Variants in ZNF208 observed in about 807,000 individuals in gnomAD.
ZNF208 encodes the protein zinc finger protein 208, also known as zinc finger protein 95.
Under a neutral mutation model 12.1 loss-of-function variants are expected in ZNF208, and 10 were observed. The ratio of observed to expected loss-of-function variants is 0.83; its 90% CI spans 0.51 to 1.40. The LOEUF is 1.40. Among genes scored for constraint, ZNF208 ranks in the 40% most tolerant of loss-of-function variants. The pLI, the probability that ZNF208 is intolerant of heterozygous loss-of-function variation, is 0.00. For synonymous variants in ZNF208, 497 were observed against 488.4 expected (o/e 1.02, Z -0.23); for missense variants, 1,652 against 1,485.0 (o/e 1.11, Z -1.85).
chr19:21,975,515 C>T (rs1970412693), intron 3 of ZNF208, among the ~76,000 whole-genome samples: 1 of 152,124 alleles, frequency 6.6e-6, no homozygotes, highest in Non-Finnish European at 1.5e-5. Context: ...TGTTTTCTGA[C>T]TATGCCAGGA....
rs746461940 is a variant in ZNF208, at chr19:21,971,679, C to T, written c.3355G>A (p.Gly1119Ser). Residue 1119 changes from glycine to serine, a missense_variant, in exon 4 of 4, where the codon GGC becomes AGC. Gly to Ser is a moderately conservative substitution (Grantham distance 56). Coordinates refer to ENST00000397126, the MANE Select transcript of ZNF208 (RefSeq NM_007153.3). ...GEKPYKCEEC[G>S]KSFSTFSILT... ...ATTGAGAACGTACTAAAGCTTTTGC[C>T]ACATTCTTCACATTTGTAGGGTTTC... The T allele has an allele frequency of 6.2e-7, 1 of 1,613,800 alleles. No homozygotes were observed. The highest frequency in any genetic ancestry group is 1.1e-5 in the South Asian group (1 of 91,060).
intron 3 of ZNF208, among the ~76,000 whole-genome samples, chr19:21,977,412 G>A (rs1024972339): frequency 2.6e-5 from 4 of 152,202 alleles, no homozygotes; most frequent in African/African-American, 9.7e-5. Flanking sequence ...AACAGTGGGT[G>A]CGGCTCCCTG....
chr19:22,004,257 T>C (rs1002177795), intron 1 of ZNF208, among the ~76,000 whole-genome samples: 11 of 152,016 alleles, frequency 7.2e-5, no homozygotes, highest in African/African-American at 2.7e-4. Flanking sequence ...TGGCTCACAC[T>C]TGTAATCCCA....
At chr19:21,989,931 T>C (rs1970701264) in intron 1 of ZNF208, among the ~76,000 whole-genome samples, 1 of 151,124 alleles carries the variant, frequency 6.6e-6, no homozygotes, top group African/African-American at 2.4e-5. Flanking sequence ...GATGGGGTTG[T>C]TTGTTTTTTT....
At chr19:21,964,454 T>A (rs1457485528), downstream of ZNF208, among the ~76,000 whole-genome samples, 9 of 151,516 alleles carry the variant, frequency 5.9e-5, no homozygotes, top group Non-Finnish European at 1.3e-4. Flanking sequence ...TAGAAAAAAA[T>A]TTTAATATAT....
chr19:21,998,185 C>T (rs558892642), intron 1 of ZNF208: 1 of 131,074 alleles, frequency 7.6e-6, no homozygotes, highest in African/African-American at 2.8e-5. Context: ...GACAGAGTCT[C>T]ACTCTGTCGC....
intron 3 of ZNF208, among the ~76,000 whole-genome samples, chr19:21,986,152 C>T (rs1330727853): frequency 2.0e-5 from 3 of 152,026 alleles, no homozygotes; most frequent in Non-Finnish European, 2.9e-5. Context: ...TCTATTTTAA[C>T]ACAGCACTTG....
intron 4 of ZNF208, among the ~76,000 whole-genome samples, chr19:21,942,713 A>G (rs1377663723): frequency 6.6e-6 from 1 of 151,982 alleles, no homozygotes; most frequent in African/African-American, 2.4e-5. Context: ...CAATGGTGCA[A>G]TCTTGGTTCA....
chr19:21,949,962 T>C (rs1186913720), intron 4 of ZNF208, among the ~76,000 whole-genome samples: 1 of 152,222 alleles, frequency 6.6e-6, no homozygotes, highest in Non-Finnish European at 1.5e-5. Flanking sequence ...ATCTGCAGTC[T>C]GGTTAAAAAC....
At chr19:21,944,335 T>G (rs907654660) in intron 4 of ZNF208, among the ~76,000 whole-genome samples, 1 of 152,202 alleles carries the variant, frequency 6.6e-6, no homozygotes, top group African/African-American at 2.4e-5. Flanking sequence ...AAATTCAACC[T>G]AAATTCAACA....
chr19:21,950,719 T>C (rs968856789), intron 4 of ZNF208, among the ~76,000 whole-genome samples: 1 of 152,064 alleles, frequency 6.6e-6, no homozygotes, highest in African/African-American at 2.4e-5. Context: ...GGTCTCAAAC[T>C]CCTGACCTCA....
chr19:21,952,077 G>A (rs1444420617), intron 4 of ZNF208, among the ~76,000 whole-genome samples: 8 of 152,348 alleles, frequency 5.3e-5, no homozygotes, highest in East Asian at 1.9e-4. Flanking sequence ...AGATGGCAAC[G>A]CAGCAGCCTG....
chr19:21,987,113 AACT>A (rs912685274), intron 3 of ZNF208, 100 bp downstream of exon 3: 1 of 1,236,952 alleles, frequency 8.1e-7, no homozygotes, highest in Non-Finnish European at 1.1e-6. Context: ...TCTCTCCAGA[AACT>A]ACTTCTTTTG....
chr19:21,988,288 A>G (rs527783515), intron 2 of ZNF208, among the ~76,000 whole-genome samples: 3 of 152,298 alleles, frequency 2.0e-5, no homozygotes, highest in South Asian at 4.1e-4. Context: ...AAGAAATTAT[A>G]CAAAAAAGAA....
At chr19:21,949,534 C>T (rs1465019441) in intron 4 of ZNF208, among the ~76,000 whole-genome samples, 1 of 152,068 alleles carries the variant, frequency 6.6e-6, no homozygotes, top group Admixed American at 6.6e-5. Context: ...TTTTATACCA[C>T]CTTATTAAAA....
chr19:21,956,836 C>A (rs936590709), intron 4 of ZNF208, among the ~76,000 whole-genome samples: 1 of 152,136 alleles, frequency 6.6e-6, no homozygotes, highest in Non-Finnish European at 1.5e-5. Flanking sequence ...ATAGGCTGCA[C>A]CCACTGTCCA....
rs1432417883 is a variant in ZNF208 at position 21,971,168 on chromosome 19, G to A, written c.*23C>T. On this transcript the variant is annotated 3_prime_UTR_variant, in exon 4 of 4. Coordinates refer to ENST00000397126, the MANE Select transcript of ZNF208 (RefSeq NM_007153.3). ...ACTAAGGGTTGAGGGCCACTTATAG[G>A]CTTTGCCACATTCTTCACATTTCTA... 1 of 1,611,802 alleles carries A rather than the reference G, an allele frequency of 6.2e-7. No homozygotes were observed. Among genetic ancestry groups the A allele is most frequent in the African/African-American group, 1.3e-5 (1 of 74,612 alleles).
In ZNF208 at chr19:21,988,888, C is replaced by G. The variant is rs1469970464; in HGVS notation, c.25G>C (p.Val9Leu). The G allele has an allele frequency of 6.2e-7, 1 of 1,613,982 alleles. No individual in the cohort carries two copies. Among genetic ancestry groups the G allele is most frequent in the Non-Finnish European group, 8.5e-7 (1 of 1,179,972 alleles). ...TCCTCCAGAGAGAATTCTATGGCCA[C>G]ATCCCTAAATGTCAATGATCCCTGG... MGSLTFRD[V>L]AIEFSLEEWQ... Residue 9 changes from valine (V) to leucine (L), a missense_variant, in exon 2 of 4, where the codon GTG becomes CTG. By Grantham distance (32) the Val-to-Leu change is conservative (BLOSUM62 1). This residue lies in a region of ZNF208 where 410 missense variants were observed against 378.2 expected (regional missense o/e 1.08). Transcript: ENST00000397126.
At chr19:21,951,859 G>C (rs1439188357) in intron 4 of ZNF208, among the ~76,000 whole-genome samples, 1 of 152,220 alleles carries the variant, frequency 6.6e-6, no homozygotes, top group African/African-American at 2.4e-5. Context: ...CCTCACCTGG[G>C]AGGCACAAGG....
Sources: gnomAD v4.1 joint callset for allele counts (sites outside exome capture counted in the v4.1 genomes callset) on GRCh38, gnomAD v4.1.1 for gene constraint, gnomAD v4.1.1 regional missense constraint, MANE v1.5 for transcripts, NCBI Gene and HGNC (gene_info 2026-07-23, HGNC 2026-07-21) for gene names.